The following PDE3B variants were observed in gnomAD, a reference collection of about 807,000 sequenced individuals.
PDE3B encodes cGMP-inhibited 3',5'-cyclic phosphodiesterase 3B.
PDE3B carries 66 observed loss-of-function variants against 116.8 expected under a neutral mutation model. The observed-to-expected ratio is 0.56, with a 90% CI of 0.46 to 0.69. The LOEUF (loss-of-function observed/expected upper bound fraction) is 0.69. PDE3B is among the 30% of genes least tolerant of loss of function. PDE3B has a pLI of 0.00. For missense variants in PDE3B, 1,384 were observed against 1,368.1 expected (o/e 1.01, Z -0.18); for synonymous variants, 595 against 533.6 (o/e 1.12, Z -1.59).
the PDE3B span, chr11:14,880,704 A>T: frequency 1.9e-6 from 3 of 1,597,956 alleles, no homozygotes; most frequent in Non-Finnish European, 2.6e-6. Context: ...CAAAATATCG[A>T]AAACTGTTTA....
At chr11:14,708,960 T>C (rs1430921293) in intron 1 of PDE3B, among the ~76,000 whole-genome samples, 2 of 152,316 alleles carry the variant, frequency 1.3e-5, no homozygotes, top group Admixed American at 1.3e-4. Flanking sequence ...GTTAAAGTTA[T>C]TTTTTGTTTA....
chr11:14,823,225 C>T (rs148893275), intron 7 of PDE3B, among the ~76,000 whole-genome samples: 13 of 152,276 alleles, frequency 8.5e-5, no homozygotes, highest in Non-Finnish European at 1.3e-4. Flanking sequence ...CGTCTCTCAC[C>T]GCAGCACAGT....
At chr11:14,830,287 A>C (rs1859835325) in intron 7 of PDE3B, among the ~76,000 whole-genome samples, 1 of 152,174 alleles carries the variant, frequency 6.6e-6, no homozygotes, top group African/African-American at 2.4e-5. Flanking sequence ...CATTAATAAT[A>C]TTATGGTTTA....
At chr11:14,701,191 T>A (rs1855350744) in intron 1 of PDE3B, among the ~76,000 whole-genome samples, 1 of 151,838 alleles carries the variant, frequency 6.6e-6, no homozygotes. Flanking sequence ...TTATTCATAT[T>A]GTAGCTAGTT....
intron 4 of PDE3B, among the ~76,000 whole-genome samples, chr11:14,801,790 T>A (rs1338215756): frequency 6.6e-6 from 1 of 152,206 alleles, no homozygotes; most frequent in East Asian, 1.9e-4. Flanking sequence ...TATCTGTAAG[T>A]CCCTGACTGG....
intron 7 of PDE3B, among the ~76,000 whole-genome samples, chr11:14,821,905 A>ATT (rs5789850): frequency 6.3e-5 from 9 of 142,642 alleles, no homozygotes; most frequent in Non-Finnish European, 3.1e-5. Flanking sequence ...ACTCTTAAGA[A>ATT]TTTTTTTTTT....
chr11:14,723,568 A>G (rs764610367), intron 1 of PDE3B, among the ~76,000 whole-genome samples: 9 of 152,046 alleles, frequency 5.9e-5, no homozygotes, highest in Non-Finnish European at 1.0e-4. Flanking sequence ...AGCCTGGGCA[A>G]TATAGTGAGA....
chr11:14,880,097 TG>T, the PDE3B span: 1 of 1,608,598 alleles, frequency 6.2e-7, no homozygotes, highest in Non-Finnish European at 8.5e-7. Flanking sequence ...GAACCCTACA[TG>T]TAAGGATAGA....
At chr11:14,658,751 C>A (rs1853795691) in intron 1 of PDE3B, among the ~76,000 whole-genome samples, 1 of 152,158 alleles carries the variant, frequency 6.6e-6, no homozygotes, top group Non-Finnish European at 1.5e-5. Flanking sequence ...TTGTTTCTTT[C>A]TTGACAAAAT....
intron 6 of PDE3B, 126 bp downstream of exon 6, chr11:14,818,519 A>G (rs1682905651): frequency 1.6e-6 from 1 of 631,006 alleles, no homozygotes; most frequent in Non-Finnish European, 2.8e-6. Context: ...TTTCGGTGTT[A>G]TAATGAAATG....
intron 1 of PDE3B, among the ~76,000 whole-genome samples, chr11:14,653,534 C>T (rs1853623928): frequency 6.6e-6 from 1 of 151,818 alleles, no homozygotes. Flanking sequence ...CACTACACTC[C>T]AGCCTGGGCG....
intron 1 of PDE3B, among the ~76,000 whole-genome samples, chr11:14,718,149 C>G (rs1343245954): frequency 7.9e-6 from 1 of 127,208 alleles, no homozygotes; most frequent in Non-Finnish European, 1.7e-5. Context: ...GACTTTAAAC[C>G]AACAAAGATC....
intron 1 of PDE3B, among the ~76,000 whole-genome samples, chr11:14,763,405 G>T (rs1174254470): frequency 2.6e-5 from 4 of 151,874 alleles, no homozygotes; most frequent in African/African-American, 9.7e-5. Context: ...GAAAGGAGAA[G>T]AACTAGAAAC....
the PDE3B span, chr11:14,879,432 T>A: frequency 6.2e-7 from 1 of 1,601,446 alleles, no homozygotes; most frequent in Non-Finnish European, 8.5e-7. Context: ...TCAATCTCTT[T>A]CTGAACTTGT....
At chr11:14,775,280 C>T (rs1382417880) in intron 2 of PDE3B, 1 of 152,126 alleles carries the variant, frequency 6.6e-6, no homozygotes, top group East Asian at 1.9e-4. Flanking sequence ...ATTTCATATT[C>T]CCTGTATAGC....
intron 1 of PDE3B, among the ~76,000 whole-genome samples, chr11:14,752,577 A>C (rs1023126542): frequency 3.3e-5 from 5 of 152,224 alleles, no homozygotes; most frequent in African/African-American, 1.2e-4. Context: ...GTTTTATGCT[A>C]TGGAGTCATG....
chr11:14,880,426 A>C, the PDE3B span: 4 of 1,613,432 alleles, frequency 2.5e-6, no homozygotes, highest in Non-Finnish European at 3.4e-6. Flanking sequence ...AAAAGGCAGG[A>C]TGCCAATCCA....
Position 14,848,702 on chromosome 11 carries a change from AAC to A in PDE3B, c.2520+4680_2520+4681del, listed in dbSNP as rs1385049695. Among the ~76,000 whole-genome samples, 3 of 152,338 alleles carry A rather than the reference AAC, an allele frequency of 2.0e-5. No individual in the cohort carries two copies. The East Asian group carries it at 5.8e-4, about 29-fold the overall frequency. ...CATTCTTATACACCAATAACAGACA[AAC>A]ACAGAGCCAAATCATGAGTGAACTC... is the stretch of plus-strand genomic sequence containing the variant. On this transcript the variant is annotated intron_variant, in intron 12 of 15. Coordinates refer to ENST00000282096, the MANE Select transcript of PDE3B (RefSeq NM_000922.4).
chr11:14,657,954 G>A (rs1489928742), intron 1 of PDE3B, among the ~76,000 whole-genome samples: 1 of 152,100 alleles, frequency 6.6e-6, no homozygotes, highest in Non-Finnish European at 1.5e-5. Flanking sequence ...AGATAGTTTT[G>A]CTTTCTAATA....
Sources: gnomAD v4.1 joint callset for allele counts (sites outside exome capture counted in the v4.1 genomes callset) on GRCh38, gnomAD v4.1.1 for gene constraint, MANE v1.5 for transcripts, NCBI Gene and HGNC (gene_info 2026-07-23, HGNC 2026-07-21) for gene names.